DNAJC11: variants seen among roughly 807,000 people sequenced by gnomAD.
The protein encoded by DNAJC11 is dnaJ homolog subfamily C member 11.
A neutral mutation model predicts 78.6 loss-of-function variants in DNAJC11; 15 were observed. The ratio of observed to expected loss-of-function variants is 0.19; its 90% CI spans 0.13 to 0.29. The LOEUF is 0.29. Ranked by LOEUF, DNAJC11 falls within the 10% of genes least tolerant of loss-of-function variation. The probability of loss-of-function intolerance (pLI) is 1.00; values close to 1 mark genes in which losing one functional copy is unlikely to be tolerated. For missense variants in DNAJC11, 547 were observed against 709.6 expected (o/e 0.77, Z 2.60); for synonymous variants, 292 against 272.1 (o/e 1.07, Z -0.72).
intron 1 of DNAJC11, among the ~76,000 whole-genome samples, chr1:6,701,262 GA>G (rs1048398379): frequency 6.6e-6 from 1 of 152,150 alleles, no homozygotes; most frequent in Non-Finnish European, 1.5e-5. Context: ...TCGGGAACCG[GA>G]AAAAGCCCTA....
chr1:6,643,486 A>G (rs953575622), intron 10 of DNAJC11, among the ~76,000 whole-genome samples: 6 of 152,040 alleles, frequency 3.9e-5, no homozygotes, highest in East Asian at 1.9e-4. Context: ...CGTGTTAGCC[A>G]GGATGGTCTC....
At chr1:6,663,399 T>C (rs886646811) in intron 4 of DNAJC11, among the ~76,000 whole-genome samples, 2 of 152,116 alleles carry the variant, frequency 1.3e-5, no homozygotes, top group Admixed American at 6.5e-5. Flanking sequence ...TGGGATCAAG[T>C]TGCCTTCTAA....
At chr1:6,651,348 G>T (rs1219871269) in intron 7 of DNAJC11, among the ~76,000 whole-genome samples, 181 bp downstream of exon 7, 2 of 152,214 alleles carry the variant, frequency 1.3e-5, no homozygotes, top group East Asian at 3.9e-4. Context: ...CCTCAATCCT[G>T]CCTCTTCCCA....
Position 6,645,683 on chromosome 1 carries a change from G to T in DNAJC11, c.894+106C>A. The stretch of plus-strand genomic sequence containing the variant: ...CCCCTCAGGGCCCTGTATGGGCTTA[G>T]ACTTAGTGGTGATCAGGACGCAGGA... On this transcript the variant is annotated intron_variant, in intron 8 of 15. Transcript: ENST00000377577. The surrounding 1 kb of genome is among the most constrained non-coding windows in gnomAD (Gnocchi z 4.1). 7.5e-7 allele frequency: 1 copy of T among 1,333,966 alleles called. No homozygotes were observed. Among genetic ancestry groups the T allele is most frequent in the Non-Finnish European group, 1.1e-6 (1 of 951,538 alleles). The allele number at this position is 1,333,966 out of a possible 1,614,324, so 82.6% of individuals were successfully genotyped here.
intron 7 of DNAJC11, chr1:6,650,918 TA>T (rs1456632562): frequency 2.6e-6 from 1 of 377,914 alleles, no homozygotes; most frequent in East Asian, 7.3e-5. Flanking sequence ...TGCTCCATTC[TA>T]GGACTCCTTC....
At chr1:6,693,442 G>A (rs900434664) in intron 1 of DNAJC11, among the ~76,000 whole-genome samples, 2 of 152,116 alleles carry the variant, frequency 1.3e-5, no homozygotes, top group African/African-American at 4.8e-5. Context: ...GTGCAGTGGT[G>A]GTGCGATCTT....
At chr1:6,654,192 C>T (rs1642095503) in intron 4 of DNAJC11, 153 bp from the exon 5 acceptor site, 1 of 872,188 alleles carries the variant, frequency 1.1e-6, no homozygotes, top group Non-Finnish European at 1.7e-6. Flanking sequence ...AGGAAGCCCA[C>T]AAAGCATGAA....
At chr1:6,682,368 G>A (rs947170919) in intron 1 of DNAJC11, among the ~76,000 whole-genome samples, 3 of 152,038 alleles carry the variant, frequency 2.0e-5, no homozygotes, top group Non-Finnish European at 2.9e-5. Context: ...GTATTTGTGC[G>A]AGTTTATCAG....
intron 1 of DNAJC11, among the ~76,000 whole-genome samples, chr1:6,685,140 C>A (rs912261083): frequency 1.3e-5 from 2 of 152,162 alleles, no homozygotes; most frequent in African/African-American, 2.4e-5. Context: ...TCCAGGTGTA[C>A]TTCCAGCACC....
At chr1:6,696,605 T>C (rs769364442) in intron 1 of DNAJC11, among the ~76,000 whole-genome samples, 2 of 152,174 alleles carry the variant, frequency 1.3e-5, no homozygotes, top group Non-Finnish European at 1.5e-5. Flanking sequence ...AAAATAATGA[T>C]CTACCCTGTA....
chr1:6,666,316 T>C (rs1642292692), intron 4 of DNAJC11, among the ~76,000 whole-genome samples: 1 of 152,156 alleles, frequency 6.6e-6, no homozygotes, highest in Admixed American at 6.5e-5. Context: ...TTCCGGAATG[T>C]ATTTCATCAG....
At chr1:6,693,914 A>C (rs1465239903) in intron 1 of DNAJC11, among the ~76,000 whole-genome samples, 2 of 140,876 alleles carry the variant, frequency 1.4e-5, no homozygotes, top group African/African-American at 5.3e-5. Flanking sequence ...ATCTCTGCTC[A>C]CGGCAACCTC....
In DNAJC11 at chr1:6,637,471, T is replaced by C; in HGVS notation, c.1357A>G (p.Ile453Val). 6.2e-7 allele frequency: 1 copy of C among 1,614,222 alleles called. No individual in the cohort carries two copies. The highest frequency in any genetic ancestry group is 1.3e-5 in the African/African-American group (1 of 75,058). Reference protein sequence around the residue: ...RLMQESVRRIIEAEESRMGLI... With the variant: ...RLMQESVRRIVEAEESRMGLI... ...CCCATTCTGGACTCTTCTGCCTCAA[T>C]TATCCTTCGGACAGATTCCTGCATC... is the stretch of plus-strand genomic sequence containing the variant. Residue 453 changes from isoleucine (I) to valine (V), a missense_variant, in exon 13 of 16, where the codon ATT becomes GTT. Transcript: ENST00000377577.
chr1:6,648,211 A>G (rs936292148), intron 7 of DNAJC11, among the ~76,000 whole-genome samples: 2 of 152,034 alleles, frequency 1.3e-5, no homozygotes, highest in East Asian at 1.9e-4. Context: ...GCTGGAGTGC[A>G]GTGGCACGAT....
At chr1:6,648,099 C>G (rs1322349973) in intron 7 of DNAJC11, among the ~76,000 whole-genome samples, 1 of 152,136 alleles carries the variant, frequency 6.6e-6, no homozygotes, top group African/African-American at 2.4e-5. Flanking sequence ...TAAGAATCAC[C>G]TGGGGCGCTT....
At chr1:6,657,869 TCTC>T (rs1245178383) in intron 4 of DNAJC11, among the ~76,000 whole-genome samples, 5 of 152,180 alleles carry the variant, frequency 3.3e-5, no homozygotes, top group Non-Finnish European at 4.4e-5. Flanking sequence ...ATGGTCTCGA[TCTC>T]CTGACCTCGT....
At chr1:6,668,174 G>C in intron 3 of DNAJC11, 1 of 191,136 alleles carries the variant, frequency 5.2e-6, no homozygotes, top group Admixed American at 5.6e-5. Flanking sequence ...GTCTCGCTCT[G>C]TCGCCCAAGC....
intron 7 of DNAJC11, among the ~76,000 whole-genome samples, chr1:6,649,440 ATT>A (rs1190237904): frequency 6.6e-6 from 1 of 152,080 alleles, no homozygotes; most frequent in Non-Finnish European, 1.5e-5. Flanking sequence ...AAGTGCTGGG[ATT>A]AGAGGCATGA....
intron 4 of DNAJC11, among the ~76,000 whole-genome samples, chr1:6,654,986 A>T (rs920313669): frequency 2.0e-5 from 3 of 152,068 alleles, no homozygotes; most frequent in Non-Finnish European, 4.4e-5. Flanking sequence ...TTTAGTAGAG[A>T]CAGGGTTTCA....
Sources: allele counts gnomAD v4.1 joint callset (sites outside exome capture counted in the v4.1 genomes callset), GRCh38; gene constraint gnomAD v4.1.1; non-coding constraint Gnocchi (gnomAD v3.1); transcripts MANE v1.5; gene names NCBI Gene and HGNC (gene_info 2026-07-23, HGNC 2026-07-21).